MRTFA: variants seen among roughly 807,000 people sequenced by gnomAD.
MRTFA encodes myocardin related transcription factor A.
Under a neutral mutation model 83.5 loss-of-function variants are expected in MRTFA, and 20 were observed. The observed-to-expected ratio is 0.24, with a 90% CI of 0.17 to 0.35. The LOEUF (loss-of-function observed/expected upper bound fraction) is 0.35, where lower values mean the gene tolerates loss of function less well. Among genes scored for constraint, MRTFA ranks in the 10% least tolerant of loss-of-function variants. The pLI, the probability that MRTFA is intolerant of heterozygous loss-of-function variation, is 1.00. For missense variants in MRTFA, 1,200 were observed against 1,224.7 expected, an observed-to-expected ratio of 0.98 and a Z score of 0.30; for synonymous variants, 659 against 541.2, an observed-to-expected ratio of 1.22 and a Z score of -3.02.
chr22:40,596,933 C>T (rs1358898581), intron 1 of MRTFA, among the ~76,000 whole-genome samples: 1 of 152,064 alleles, frequency 6.6e-6, no homozygotes, highest in Non-Finnish European at 1.5e-5. Flanking sequence ...CGAGATCACA[C>T]CACTGCACTC....
At chr22:40,469,399 C>T (rs2053862955) in intron 3 of MRTFA, among the ~76,000 whole-genome samples, 1 of 152,172 alleles carries the variant, frequency 6.6e-6, no homozygotes, top group Non-Finnish European at 1.5e-5. Flanking sequence ...CCATGTGACA[C>T]TCCTGCTCCC....
At chr22:40,447,348 C>CA (rs769074087) in intron 4 of MRTFA, among the ~76,000 whole-genome samples, 445 of 111,626 alleles carry the variant, frequency 4.0e-3, no homozygotes, top group Middle Eastern at 4.9e-3. Context: ...GTCTTTGTTT[C>CA]AAAAAAAAAA....
chr22:40,446,423 T>G (rs556434823), intron 4 of MRTFA, among the ~76,000 whole-genome samples: 10 of 151,984 alleles, frequency 6.6e-5, no homozygotes, highest in Non-Finnish European at 1.0e-4. Flanking sequence ...CCAGGGCGAG[T>G]AAACTTAGGG....
rs138531454 is a variant in MRTFA, at chr22:40,598,905, T to G, written c.-83-4170A>C. 6.8e-3 allele frequency among the ~76,000 whole-genome samples: 1,010 copies of G among 148,516 alleles called. 10 individuals carry two copies. The highest frequency in any genetic ancestry group is 0.024 in the African/African-American group (968 of 40,132). On this transcript the variant is annotated intron_variant, in intron 1 of 14. Coordinates refer to ENST00000355630, the MANE Select transcript of MRTFA (RefSeq NM_020831.6). ...ACTTGGGAGGCTGAGGCAGGACAACTGCTTGAACCCGGGAGGCAGAGGCTG... is the reference window on the plus strand; with the variant it reads ...ACTTGGGAGGCTGAGGCAGGACAACGGCTTGAACCCGGGAGGCAGAGGCTG...
chr22:40,417,045 T>C lies in MRTFA; in HGVS notation c.2519A>G (p.Glu840Gly), dbSNP rs1408516829. 3.8e-6 allele frequency: 6 copies of C among 1,591,392 alleles called. No homozygotes were observed. The African/African-American group carries it at 6.7e-5, about 18-fold the overall frequency. The change falls in exon 14 of 15, where the codon GAA (glutamate) becomes GGA (glycine). Residue 840 changes from glutamate to glycine, a missense_variant and splice_region_variant. Around this residue, in one of 2 missense-constraint regions of MRTFA, gnomAD observed 1,107 missense variants for 1,041.8 expected, o/e 1.06. Transcript: ENST00000355630. ...CATCTGCTGGCTTGAGGAACCATTT[T>C]CCTGTGGGACAAAGGAAAAAAAAAA...
At chr22:40,524,105 G>T (rs2054918741) in intron 3 of MRTFA, among the ~76,000 whole-genome samples, 1 of 152,058 alleles carries the variant, frequency 6.6e-6, no homozygotes, top group Non-Finnish European at 1.5e-5. Context: ...AACAGGCTGG[G>T]CAACATAGTG....
Position 40,411,642 on chromosome 22 carries a change from C to T in MRTFA, c.2844G>A (p.Leu948=). The T allele has an allele frequency of 6.2e-7, 1 of 1,613,278 alleles. No homozygotes were observed. The highest frequency in any genetic ancestry group is 8.5e-7 in the Non-Finnish European group (1 of 1,179,850). The stretch of plus-strand genomic sequence containing the variant: ...GGTGGTCCAGGATGGCAGTGCTGCT[C>T]AGCATCTGGCTATGGAGGTCGTCAA... The change falls in exon 15 of 15, where the codon CTG becomes CTA. Residue 948 remains leucine (L), a synonymous_variant. Transcript: ENST00000355630.
At chr22:40,447,639 A>T (rs1323707852) in intron 4 of MRTFA, among the ~76,000 whole-genome samples, 1 of 152,214 alleles carries the variant, frequency 6.6e-6, no homozygotes, top group South Asian at 2.1e-4. Flanking sequence ...ACTGACAAAA[A>T]GGCTTCTGAG....
At chr22:40,564,113 G>T (rs566902796) in intron 2 of MRTFA, among the ~76,000 whole-genome samples, 20 of 152,310 alleles carry the variant, frequency 1.3e-4, no homozygotes, top group African/African-American at 4.6e-4. Flanking sequence ...CTGTTTGATT[G>T]TTGGGGATGG....
Position 40,579,366 on chromosome 22 carries a change from TTTC to T in MRTFA, c.-22+15305_-22+15307del, listed in dbSNP as rs201926281. The stretch of plus-strand genomic sequence containing the variant: ...CATACTTCCATCTAGTAATTTACAC[TTTC>T]TTATTATACACAGTAAACATTTATT... On this transcript the variant is annotated intron_variant, in intron 2 of 14. Transcript: ENST00000355630. 5.4e-3 allele frequency among the ~76,000 whole-genome samples: 821 copies of T among 152,328 alleles called. 4 individuals carry two copies. Among genetic ancestry groups the T allele is most frequent in the Non-Finnish European group, 8.4e-3 (569 of 68,026 alleles).
chr22:40,491,644 C>T (rs73167089), intron 3 of MRTFA, among the ~76,000 whole-genome samples: 12,450 of 152,142 alleles, frequency 0.082, 790 homozygotes, highest in East Asian at 0.24. Context: ...TTGAATCTGA[C>T]CCACATAAAG....
chr22:40,442,432 A>G (rs1462223896), intron 4 of MRTFA, among the ~76,000 whole-genome samples: 1 of 152,198 alleles, frequency 6.6e-6, no homozygotes, highest in Non-Finnish European at 1.5e-5. Context: ...GAGCATATAC[A>G]CAGAACATCA....
intron 1 of MRTFA, among the ~76,000 whole-genome samples, chr22:40,600,632 T>C (rs997613988): frequency 3.9e-5 from 6 of 152,182 alleles, no homozygotes; most frequent in East Asian, 1.9e-4. Context: ...CAACCGAACA[T>C]GCTCATGTGC....
At chr22:40,580,249 A>G (rs1186374540) in intron 2 of MRTFA, among the ~76,000 whole-genome samples, 1 of 152,110 alleles carries the variant, frequency 6.6e-6, no homozygotes, top group Non-Finnish European at 1.5e-5. Flanking sequence ...CCCAGACTGT[A>G]AAGCACTGGC....
intron 4 of MRTFA, among the ~76,000 whole-genome samples, chr22:40,447,576 CTG>C (rs1188287157): frequency 2.0e-5 from 3 of 152,140 alleles, no homozygotes; most frequent in Non-Finnish European, 4.4e-5. Flanking sequence ...CCCTGTAAAA[CTG>C]TGAACTATAA....
intron 2 of MRTFA, among the ~76,000 whole-genome samples, chr22:40,574,650 T>C (rs1271954340): frequency 2.6e-5 from 4 of 151,978 alleles, no homozygotes; most frequent in Non-Finnish European, 5.9e-5. Context: ...TCCAGGCTGG[T>C]CTCCAACACC....
At chr22:40,414,348 A>G (rs2092164) in intron 14 of MRTFA, among the ~76,000 whole-genome samples, 14,693 of 152,100 alleles carry the variant, frequency 0.097, 1,270 homozygotes, top group African/African-American at 0.23. Flanking sequence ...AAGGAAAAAA[A>G]AAGAAGAAAT....
At position 40,418,961 on chromosome 22, in the gene MRTFA, G is replaced by T. The variant is rs200565523; in HGVS notation, c.1777C>A (p.Pro593Thr). 55 of 1,612,794 alleles carry T rather than the reference G, an allele frequency of 3.4e-5. No individual in the cohort carries two copies. The highest frequency in any genetic ancestry group is 3.5e-5 in the Non-Finnish European group (41 of 1,179,950). ...TCCTCCTTCACGAGGATCTGCAGTGGCGAGGCCTGCAGGGTCAGCTGCGTC... is the reference window on the plus strand; with the variant it reads ...TCCTCCTTCACGAGGATCTGCAGTGTCGAGGCCTGCAGGGTCAGCTGCGTC... Residue 593 changes from proline to threonine, a missense_variant, in exon 12 of 15, where the codon CCA (proline) becomes ACA (threonine). By Grantham distance (38) the Pro-to-Thr change is conservative. This residue lies in a region of MRTFA where 1,107 missense variants were observed against 1,041.8 expected (regional missense o/e 1.06). Transcript: ENST00000355630.
In MRTFA at chr22:40,418,970, G is replaced by A; in HGVS notation, c.1768C>T (p.Gln590Ter). The A allele has an allele frequency of 6.2e-7, 1 of 1,612,886 alleles. No homozygotes were observed. Among genetic ancestry groups the A allele is most frequent in the Non-Finnish European group, 8.5e-7 (1 of 1,179,930 alleles). ...ACGAGGATCTGCAGTGGCGAGGCCT[G>A]CAGGGTCAGCTGCGTCAGAGGTGAT... The change falls in exon 12 of 15, where the codon CAG becomes TAG. Residue 590 changes from glutamine (Q) to a stop codon, truncating the protein, a stop_gained. Coordinates refer to ENST00000355630, the MANE Select transcript of MRTFA (RefSeq NM_020831.6). LOFTEE classifies it high-confidence loss of function.
Sources: allele counts gnomAD v4.1 joint callset (sites outside exome capture counted in the v4.1 genomes callset), GRCh38; gene constraint gnomAD v4.1.1; regional missense constraint gnomAD v4.1.1; transcripts MANE v1.5; gene names NCBI Gene and HGNC (gene_info 2026-07-23, HGNC 2026-07-21).